PRKN: variants seen among roughly 807,000 people sequenced by gnomAD.
The protein encoded by PRKN is parkin RBR E3 ubiquitin protein ligase.
Under a neutral mutation model 59.5 loss-of-function variants are expected in PRKN, and 56 were observed. That is an observed-to-expected ratio of 0.94 (90% CI 0.76 to 1.18). The LOEUF is 1.18. PRKN is among the 50% of genes most tolerant of loss of function. The pLI, the probability that PRKN is intolerant of heterozygous loss-of-function variation, is 0.00. For synonymous variants in PRKN, 250 were observed against 222.1 expected (o/e 1.13, Z -1.12); for missense variants, 657 against 596.4 (o/e 1.10, Z -1.06).
chr6:161,623,440 C>T (rs918298504), intron 7 of PRKN, among the ~76,000 whole-genome samples: 3 of 152,214 alleles, frequency 2.0e-5, no homozygotes, highest in Non-Finnish European at 4.4e-5. Flanking sequence ...TCCAGTGTCA[C>T]ATTATTCAGG....
chr6:161,535,059 T>C (rs2115394253), intron 9 of PRKN, among the ~76,000 whole-genome samples: 1 of 152,356 alleles, frequency 6.6e-6, no homozygotes, highest in East Asian at 1.9e-4. Context: ...GGTTTAGTAG[T>C]GCCTTTGTAT....
At chr6:161,955,178 T>C (rs1255271842) in intron 6 of PRKN, among the ~76,000 whole-genome samples, 3 of 152,104 alleles carry the variant, frequency 2.0e-5, no homozygotes, top group Non-Finnish European at 2.9e-5. Flanking sequence ...TTGGGCAAGA[T>C]AACCCTTTGC....
At chr6:162,232,877 G>C (rs1252252293) in intron 3 of PRKN, among the ~76,000 whole-genome samples, 1 of 152,056 alleles carries the variant, frequency 6.6e-6, no homozygotes, top group Non-Finnish European at 1.5e-5. Context: ...ACAGATTGGA[G>C]AATTTCTGAT....
rs867672920 is a variant in PRKN, at chr6:162,627,560, G to A, written c.7+100102C>T. 1.2e-4 allele frequency among the ~76,000 whole-genome samples: 19 copies of A among 152,078 alleles called. No individual in the cohort carries two copies. The Middle Eastern group carries it at 0.01, about 82-fold the overall frequency. ...ACTGGAGTTGGAGGCGAGGGAGACT[G>A]GTGACCAAGAGATTAGTTAATAAGC... is the stretch of plus-strand genomic sequence containing the variant. On this transcript the variant is annotated intron_variant, in intron 1 of 11. Coordinates refer to ENST00000366898, the MANE Select transcript of PRKN (RefSeq NM_004562.3).
intron 7 of PRKN, among the ~76,000 whole-genome samples, chr6:161,730,806 T>C (rs564470499): frequency 6.6e-6 from 1 of 152,132 alleles, no homozygotes; most frequent in East Asian, 1.9e-4. Flanking sequence ...TTGCATTCTT[T>C]CAGATATGTT....
chr6:162,057,519 A>C (rs1055662858), intron 4 of PRKN, among the ~76,000 whole-genome samples: 5 of 152,224 alleles, frequency 3.3e-5, no homozygotes, highest in Admixed American at 3.3e-4. Flanking sequence ...TAGAAATAAA[A>C]GAGAGGAAAA....
chr6:162,581,500 C>T (rs1316277380), intron 1 of PRKN, among the ~76,000 whole-genome samples: 2 of 152,232 alleles, frequency 1.3e-5, no homozygotes, highest in Admixed American at 1.3e-4. Context: ...GTGGCTCACG[C>T]CTGTAATCCC....
At chr6:162,570,285 T>C (rs1780267310) in intron 1 of PRKN, among the ~76,000 whole-genome samples, 1 of 152,186 alleles carries the variant, frequency 6.6e-6, no homozygotes, top group Non-Finnish European at 1.5e-5. Flanking sequence ...AAATGGCTTG[T>C]ATCCCAAAAG....
chr6:162,544,746 C>T (rs1229005291), intron 1 of PRKN, among the ~76,000 whole-genome samples: 7 of 136,298 alleles, frequency 5.1e-5, no homozygotes, highest in East Asian at 4.4e-4. Flanking sequence ...GGCGCGATGT[C>T]GACTCACGGC....
chr6:162,342,602 TTAAG>T (rs1784228337), intron 2 of PRKN, among the ~76,000 whole-genome samples: 1 of 152,116 alleles, frequency 6.6e-6, no homozygotes. Context: ...CGACAAATAA[TTAAG>T]TGTCTACTAT....
intron 7 of PRKN, among the ~76,000 whole-genome samples, chr6:161,594,031 C>A (rs144527177): frequency 6.6e-6 from 1 of 151,780 alleles, no homozygotes; most frequent in African/African-American, 2.4e-5. Context: ...GGTATGGTGG[C>A]GCATGCCTGT....
At position 161,538,141 on chromosome 6, in the gene PRKN, G is replaced by C. The variant is rs1366214226; in HGVS notation, c.1083+10713C>G. On this transcript the variant is annotated intron_variant, in intron 9 of 11. Transcript: ENST00000366898. The surrounding 1 kb of genome is among the most constrained non-coding windows in gnomAD (Gnocchi z 4.2). ...AAAGGAGGAAGAAAATTGCTTTTTG[G>C]AAGTGCAGCAATAGGCCCGCTTGAC... is the stretch of plus-strand genomic sequence containing the variant. Among the ~76,000 whole-genome samples, 1 of 152,102 alleles carries C rather than the reference G, an allele frequency of 6.6e-6. No individual in the cohort carries two copies. The highest frequency in any genetic ancestry group is 2.4e-5 in the African/African-American group (1 of 41,418).
intron 6 of PRKN, among the ~76,000 whole-genome samples, chr6:161,807,828 T>C (rs555247911): frequency 6.6e-6 from 1 of 152,302 alleles, no homozygotes; most frequent in African/African-American, 2.4e-5. Context: ...CTTCATAACA[T>C]CTGCAAGGAC....
intron 2 of PRKN, among the ~76,000 whole-genome samples, chr6:162,353,002 A>G (rs1474456095): frequency 6.6e-6 from 1 of 152,162 alleles, no homozygotes; most frequent in Non-Finnish European, 1.5e-5. Context: ...ACTTTCCTAT[A>G]ATTTTCAATG....
intron 2 of PRKN, among the ~76,000 whole-genome samples, chr6:162,282,061 T>C (rs1780933508): frequency 6.6e-6 from 1 of 152,176 alleles, no homozygotes. Context: ...GTCATGCTCA[T>C]CTGCCCATAC....
intron 3 of PRKN, among the ~76,000 whole-genome samples, chr6:162,212,431 C>G (rs778311658): frequency 1.3e-5 from 2 of 150,210 alleles, no homozygotes; most frequent in Non-Finnish European, 2.9e-5. Context: ...TAAGAAAGCT[C>G]GCTTAAACTC....
At chr6:162,339,110 G>T (rs1266897598) in intron 2 of PRKN, among the ~76,000 whole-genome samples, 1 of 148,714 alleles carries the variant, frequency 6.7e-6, no homozygotes, top group African/African-American at 2.5e-5. Flanking sequence ...CGCCCCGTCT[G>T]AGAAGTGAGG....
chr6:162,298,745 G>A (rs1366649657), intron 2 of PRKN, among the ~76,000 whole-genome samples: 6 of 151,792 alleles, frequency 4.0e-5, no homozygotes, highest in South Asian at 2.1e-4. Context: ...AAAAACTGCC[G>A]AGGTGCAAGC....
chr6:161,508,850 T>C (rs1417693405), intron 9 of PRKN, among the ~76,000 whole-genome samples: 1 of 151,392 alleles, frequency 6.6e-6, no homozygotes, highest in East Asian at 1.9e-4. Flanking sequence ...ATAATTCCTT[T>C]TTTTTTTTTT....
Sources: gnomAD v4.1 joint callset for allele counts (sites outside exome capture counted in the v4.1 genomes callset) on GRCh38, gnomAD v4.1.1 for gene constraint, Gnocchi (gnomAD v3.1) non-coding constraint, MANE v1.5 for transcripts, NCBI Gene and HGNC (gene_info 2026-07-23, HGNC 2026-07-21) for gene names.